GLIS3: variants seen among roughly 807,000 people sequenced by gnomAD.
The protein encoded by GLIS3 is zinc finger protein GLIS3.
A neutral mutation model predicts 78.6 loss-of-function variants in GLIS3; 53 were observed. The ratio of observed to expected loss-of-function variants is 0.67; its 90% confidence interval spans 0.54 to 0.85. GLIS3 has a LOEUF of 0.85. Ranked by LOEUF, GLIS3 falls within the 40% of genes least tolerant of loss-of-function variation. The probability of loss-of-function intolerance (pLI) is 0.00; values close to 1 mark genes in which losing one functional copy is unlikely to be tolerated. For synonymous variants in GLIS3, 684 were observed against 509.9 expected (o/e 1.34, Z -4.60); for missense variants, 1,703 against 1,231.1 (o/e 1.38, Z -5.74).
At chr9:4,331,973 T>C (rs1460713053) in intron 2 of GLIS3, among the ~76,000 whole-genome samples, 1 of 152,236 alleles carries the variant, frequency 6.6e-6, no homozygotes, top group Non-Finnish European at 1.5e-5. Context: ...GCATGAGCCC[T>C]TCCTAGCTCT....
At chr9:4,394,384 G>T in the GLIS3 span, among the ~76,000 whole-genome samples, 1 of 151,766 alleles carries the variant, frequency 6.6e-6, no homozygotes, top group Non-Finnish European at 1.5e-5. Flanking sequence ...GATTACAGGA[G>T]TAATATGGGG....
At chr9:4,251,601 C>T (rs1298580864) in intron 2 of GLIS3, among the ~76,000 whole-genome samples, 1 of 152,116 alleles carries the variant, frequency 6.6e-6, no homozygotes, top group Non-Finnish European at 1.5e-5. Context: ...ATTTAGCCCA[C>T]TTACATTTAA....
At chr9:4,083,388 C>A (rs537232374) in intron 4 of GLIS3, among the ~76,000 whole-genome samples, 5 of 152,240 alleles carry the variant, frequency 3.3e-5, no homozygotes, top group African/African-American at 1.2e-4. Flanking sequence ...TAGGTAGCTG[C>A]TACTAGATAC....
At chr9:4,003,488 T>C (rs940507793) in intron 4 of GLIS3, among the ~76,000 whole-genome samples, 2 of 152,198 alleles carry the variant, frequency 1.3e-5, no homozygotes, top group African/African-American at 4.8e-5. Context: ...GGCATCCCCC[T>C]TAATTGTCTC....
chr9:4,314,947 G>C (rs551818674), intron 2 of GLIS3, among the ~76,000 whole-genome samples: 1 of 152,168 alleles, frequency 6.6e-6, no homozygotes, highest in African/African-American at 2.4e-5. Flanking sequence ...AGCTGCTGAG[G>C]GTGAAAATGG....
chr9:4,296,566 T>C (rs945126038), intron 1 of GLIS3, among the ~76,000 whole-genome samples: 2 of 152,144 alleles, frequency 1.3e-5, no homozygotes, highest in African/African-American at 4.8e-5. Flanking sequence ...ATTCAACCTC[T>C]GATAACCTGC....
chr9:4,438,818 A>G, the GLIS3 span, among the ~76,000 whole-genome samples: 1 of 152,134 alleles, frequency 6.6e-6, no homozygotes, highest in Non-Finnish European at 1.5e-5. Context: ...TTCTGACATA[A>G]TTGTGAGAAC....
At chr9:3,892,673 T>G (rs764586681) in intron 7 of GLIS3, among the ~76,000 whole-genome samples, 2 of 140,472 alleles carry the variant, frequency 1.4e-5, no homozygotes, top group African/African-American at 5.0e-5. Context: ...ATAGGAACAG[T>G]TTTTTTTTTC....
At chr9:4,342,912 T>C (rs1226177464) in intron 2 of GLIS3, among the ~76,000 whole-genome samples, 4 of 152,246 alleles carry the variant, frequency 2.6e-5, no homozygotes, top group African/African-American at 7.2e-5. Flanking sequence ...TTTTTGATTA[T>C]AGAAATGCTA....
intron 2 of GLIS3, among the ~76,000 whole-genome samples, chr9:4,176,195 G>C (rs1816800717): frequency 6.6e-6 from 1 of 152,028 alleles, no homozygotes; most frequent in Non-Finnish European, 1.5e-5. Context: ...GTCAGGAAGA[G>C]AAAAAAACTC....
At chr9:4,037,061 A>T (rs975195447) in intron 4 of GLIS3, among the ~76,000 whole-genome samples, 2 of 152,168 alleles carry the variant, frequency 1.3e-5, no homozygotes, top group Non-Finnish European at 2.9e-5. Context: ...GATTTGAAAA[A>T]AATCACCCCA....
At chr9:4,207,097 T>A (rs968410292) in intron 2 of GLIS3, among the ~76,000 whole-genome samples, 1 of 152,186 alleles carries the variant, frequency 6.6e-6, no homozygotes, top group Non-Finnish European at 1.5e-5. Flanking sequence ...CATCCCTACC[T>A]CTGGGCTACA....
At chr9:4,174,390 G>A (rs1689741817) in intron 2 of GLIS3, among the ~76,000 whole-genome samples, 3 of 152,040 alleles carry the variant, frequency 2.0e-5, no homozygotes, top group Non-Finnish European at 2.9e-5. Flanking sequence ...AAAAGTTCCA[G>A]GAATCCAGTG....
At chr9:4,375,578 A>G in the GLIS3 span, among the ~76,000 whole-genome samples, 53 of 152,372 alleles carry the variant, frequency 3.5e-4, no homozygotes, top group African/African-American at 1.2e-3. Context: ...ATCCACAGAC[A>G]CATGGCTTTA....
rs538012506 is a variant in GLIS3, at chr9:3,827,622, T to C, written c.*650A>G. The C allele has an allele frequency of 1.9e-5, 3 of 154,580 alleles. No individual in the cohort carries two copies. Among genetic ancestry groups the C allele is most frequent in the African/African-American group, 7.2e-5 (3 of 41,574 alleles). 9.6% of individuals were successfully genotyped at this position (154,580 alleles called of 1,614,324 possible). A position where few individuals can be genotyped will look rare whatever the true frequency, so the allele number is the denominator to read the frequency against. ...AGACCTTTACATTTTTTTTTCATTTTAAAATACGTATAAATAACTAAGTCT... is the reference window on the plus strand; with the variant it reads ...AGACCTTTACATTTTTTTTTCATTTCAAAATACGTATAAATAACTAAGTCT... On this transcript the variant is annotated 3_prime_UTR_variant, in exon 11 of 11. Transcript: ENST00000381971.
At chr9:4,255,529 T>C (rs1048859841) in intron 2 of GLIS3, among the ~76,000 whole-genome samples, 53 of 152,178 alleles carry the variant, frequency 3.5e-4, no homozygotes, top group African/African-American at 1.2e-3. Context: ...TATTATTCAG[T>C]GCTAAAAAGA....
At chr9:4,381,802 G>T in the GLIS3 span, among the ~76,000 whole-genome samples, 2 of 152,186 alleles carry the variant, frequency 1.3e-5, no homozygotes, top group African/African-American at 4.8e-5. Flanking sequence ...GTTATGTCTG[G>T]CAAGAGGAAG....
chr9:4,078,864 A>G (rs10814830), intron 4 of GLIS3, among the ~76,000 whole-genome samples: 32,574 of 152,152 alleles, frequency 0.21, 4,085 homozygotes, highest in East Asian at 0.39. Context: ...GATCATCAGA[A>G]TAAGAGAAGT....
At chr9:4,484,594 T>A in the GLIS3 span, among the ~76,000 whole-genome samples, 6 of 151,600 alleles carry the variant, frequency 4.0e-5, no homozygotes, top group South Asian at 1.3e-3. Context: ...ATTTTTGTAT[T>A]TTTAGTAGGG....
Sources: gnomAD v4.1 joint callset for allele counts (sites outside exome capture counted in the v4.1 genomes callset) on GRCh38, gnomAD v4.1.1 for gene constraint, MANE v1.5 for transcripts, NCBI Gene and HGNC (gene_info 2026-07-23, HGNC 2026-07-21) for gene names.